The following ARID2 variants were observed in gnomAD, a reference collection of about 807,000 sequenced individuals.
ARID2 encodes the protein AT-rich interactive domain-containing protein 2.
In ARID2, 32 loss-of-function variants were observed where a neutral mutation model predicts 184.6. That is an observed-to-expected ratio of 0.17 (90% confidence interval 0.13 to 0.23). ARID2 has a LOEUF of 0.23. Among genes scored for constraint, ARID2 ranks in the 10% least tolerant of loss-of-function variants. ARID2 has a pLI of 1.00. For missense variants in ARID2, 1,696 were observed against 2,197.6 expected (o/e 0.77, Z 4.56); for synonymous variants, 836 against 772.6 (o/e 1.08, Z -1.36).
chr12:45,867,513 C>T (rs916335122), intron 16 of ARID2, among the ~76,000 whole-genome samples: 5 of 150,704 alleles, frequency 3.3e-5, no homozygotes, highest in East Asian at 2.0e-4. Flanking sequence ...GAGGCCGAGG[C>T]GGGCTGATCG....
Position 45,817,667 on chromosome 12 carries a change from T to C in ARID2, c.419-3T>C. The stretch of plus-strand genomic sequence containing the variant: ...TACTTAAGGTATTTTTTTTCTTTGT[T>C]AGATTATCTGCGTCAAAGTTATGGG... On this transcript the variant is annotated splice_region_variant and splice_polypyrimidine_tract_variant and intron_variant, in intron 4 of 20. Coordinates refer to ENST00000334344, the MANE Select transcript of ARID2 (RefSeq NM_152641.4). 6.2e-7 allele frequency: 1 copy of C among 1,602,052 alleles called. No homozygotes were observed. Among genetic ancestry groups the C allele is most frequent in the African/African-American group, 1.3e-5 (1 of 74,160 alleles).
intron 16 of ARID2, among the ~76,000 whole-genome samples, chr12:45,877,300 C>T (rs953577839): frequency 9.2e-5 from 14 of 151,922 alleles, no homozygotes; most frequent in Non-Finnish European, 1.6e-4. Flanking sequence ...TAAGCTCTGC[C>T]CCCTGTTAGA....
At chr12:45,745,830 T>C (rs1015148121) in intron 3 of ARID2, among the ~76,000 whole-genome samples, 2 of 152,140 alleles carry the variant, frequency 1.3e-5, no homozygotes, top group African/African-American at 2.4e-5. Context: ...ATTACAGGCA[T>C]GAGCCACTGC....
At chr12:45,802,611 A>C (rs1942528012) in intron 3 of ARID2, among the ~76,000 whole-genome samples, 1 of 152,102 alleles carries the variant, frequency 6.6e-6, no homozygotes, top group African/African-American at 2.4e-5. Context: ...ATGTTATCAC[A>C]GGAAAGTTAG....
chr12:45,807,560 T>C (rs1232015183), intron 3 of ARID2, among the ~76,000 whole-genome samples: 1 of 152,190 alleles, frequency 6.6e-6, no homozygotes, highest in African/African-American at 2.4e-5. Context: ...ACTATTGTGC[T>C]AGTCTTTATA....
In ARID2 at chr12:45,850,378, A is replaced by G; in HGVS notation, c.2255A>G (p.Gln752Arg). 6.2e-7 allele frequency: 1 copy of G among 1,614,106 alleles called. No homozygotes were observed. The highest frequency in any genetic ancestry group is 8.5e-7 in the Non-Finnish European group (1 of 1,179,988). Residue 752 changes from glutamine to arginine, a missense_variant, in exon 15 of 21, where the codon CAA (glutamine) becomes CGA (arginine). By Grantham distance (43) the Gln-to-Arg change is conservative. Coordinates refer to ENST00000334344, the MANE Select transcript of ARID2 (RefSeq NM_152641.4). ...SVVQNHSTGP[Q>R]PVTVVNSQTL... ...GTTCAGAATCATAGTACAGGGCCAC[A>G]ACCTGTTACAGTTGTGAATTCTCAG...
chr12:45,877,091 C>CAA (rs35277117), intron 16 of ARID2, among the ~76,000 whole-genome samples: 719 of 57,352 alleles, frequency 0.013, 17 homozygotes, highest in African/African-American at 0.034. Context: ...GACTCCATCT[C>CAA]AAAAAAAAAA....
At chr12:45,863,935 A>G (rs1212503989) in intron 16 of ARID2, among the ~76,000 whole-genome samples, 1 of 149,304 alleles carries the variant, frequency 6.7e-6, no homozygotes, top group Non-Finnish European at 1.5e-5. Context: ...GGCTCATTGC[A>G]ACCTCTGTCT....
At position 45,907,165 on chromosome 12, in the gene ARID2, A is replaced by ATG. The variant is rs1047189501; in HGVS notation, c.*2090_*2091dup. ...CTGCCCAACAGACACCGCTGAAATC[A>ATG]TGTGGGTATCCCTAGGATGGCCTTC... On this transcript the variant is annotated 3_prime_UTR_variant, in exon 21 of 21. Transcript: ENST00000334344. 2 of 232,700 alleles carry ATG rather than the reference A, an allele frequency of 8.6e-6. No homozygotes were observed. The highest frequency in any genetic ancestry group is 4.4e-5 in the African/African-American group (2 of 45,318). 14.4% of individuals were successfully genotyped at this position (232,700 alleles called of 1,614,324 possible). A position where few individuals can be genotyped will look rare whatever the true frequency, so the allele number is the denominator to read the frequency against.
In ARID2 at chr12:45,850,337, T is replaced by C. The variant is rs1271421153; in HGVS notation, c.2214T>C (p.Pro738=). ...TTAGTATTGCTGTTGGAGGAGGACC[T>C]CCACAGAGTTCTGTTGTTCAGAATC... ...VPVSIAVGGG[P]PQSSVVQNHS... is the part of the protein sequence containing the mutation. Residue 738 remains proline (P), a synonymous_variant, in exon 15 of 21, where the codon CCT becomes CCC. Transcript: ENST00000334344. 2 of 1,613,996 alleles carry C rather than the reference T, an allele frequency of 1.2e-6. No homozygotes were observed. The highest frequency in any genetic ancestry group is 1.3e-5 in the African/African-American group (1 of 74,918).
At position 45,793,479 on chromosome 12, in the gene ARID2, A is replaced by G. The variant is rs1942330895; in HGVS notation, c.285-17939A>G. On this transcript the variant is annotated intron_variant, in intron 3 of 20. Transcript: ENST00000334344. ...TACTTGGTGCTTTTATCCCTTTCCC[A>G]TAAATTGAAAGACCTAATTGAAAGA... Among the ~76,000 whole-genome samples, 3 of 151,812 alleles carry G rather than the reference A, an allele frequency of 2.0e-5. No homozygotes were observed. In the East Asian group the frequency reaches 5.8e-4, roughly 29 times the overall value.
At chr12:45,869,468 A>G (rs925997834) in intron 16 of ARID2, among the ~76,000 whole-genome samples, 2 of 150,668 alleles carry the variant, frequency 1.3e-5, no homozygotes, top group African/African-American at 4.9e-5. Flanking sequence ...TTTGTACTTT[A>G]TTAAGTTTAT....
In ARID2 at chr12:45,734,168, AG is replaced by A. The variant is rs1941063205; in HGVS notation, c.284+2855del. ...CGGATTACCTGAGGTCAGGAGTTTG[AG>A]ACCAGCCTGGCCAACATGGTGAAAC... On this transcript the variant is annotated intron_variant, in intron 3 of 20. Coordinates refer to ENST00000334344, the MANE Select transcript of ARID2 (RefSeq NM_152641.4). Among the ~76,000 whole-genome samples the A allele has an allele frequency of 2.6e-5, 4 of 152,330 alleles. No homozygotes were observed. In the South Asian group the frequency reaches 8.3e-4, roughly 32 times the overall value.
chr12:45,760,972 C>CTTA (rs1941667160), intron 3 of ARID2, among the ~76,000 whole-genome samples: 2 of 152,132 alleles, frequency 1.3e-5, no homozygotes, highest in African/African-American at 4.8e-5. Context: ...AGCAGTCCTT[C>CTTA]CATGTTGGCC....
Position 45,849,773 on chromosome 12 carries a change from G to T in ARID2, c.1909G>T (p.Ala637Ser), listed in dbSNP as rs2138157716. ...TGATGTATCTCCTGCTCCTTCACCT[G>T]CAGGTGTTAATTTTTATTGTATTTT... is the stretch of plus-strand genomic sequence containing the variant. ...VPDVSPAPSP[A>S]GIPHGSQTIG... The change falls in exon 14 of 21, where the codon GCA becomes TCA. Residue 637 changes from alanine to serine, a missense_variant. By Grantham distance (99) the Ala-to-Ser change is moderately conservative (BLOSUM62 1). Coordinates refer to ENST00000334344, the MANE Select transcript of ARID2 (RefSeq NM_152641.4). The T allele has an allele frequency of 6.2e-7, 1 of 1,607,000 alleles. No individual in the cohort carries two copies. The highest frequency in any genetic ancestry group is 2.2e-5 in the East Asian group (1 of 44,806).
chr12:45,741,241 A>G (rs1289228519), intron 3 of ARID2, among the ~76,000 whole-genome samples: 2 of 152,162 alleles, frequency 1.3e-5, no homozygotes, highest in Non-Finnish European at 2.9e-5. Context: ...CAAAACACCC[A>G]GGCTGGAGTA....
At chr12:45,798,035 T>C (rs916575411) in intron 3 of ARID2, among the ~76,000 whole-genome samples, 1 of 152,166 alleles carries the variant, frequency 6.6e-6, no homozygotes, top group African/African-American at 2.4e-5. Context: ...TGCAAGCATA[T>C]AGCTAATCTT....
intron 3 of ARID2, among the ~76,000 whole-genome samples, chr12:45,790,127 C>T (rs1373273921): frequency 6.6e-6 from 1 of 151,960 alleles, no homozygotes. Flanking sequence ...TTAAATTATT[C>T]AGTTCTATTA....
At chr12:45,893,927 C>T (rs2136463590) in intron 20 of ARID2, 1 of 390,508 alleles carries the variant, frequency 2.6e-6, no homozygotes, top group South Asian at 6.7e-5. Context: ...AAGGTGGTCT[C>T]TTAAGTTGTT....
Sources: allele counts gnomAD v4.1 joint callset (sites outside exome capture counted in the v4.1 genomes callset), GRCh38; gene constraint gnomAD v4.1.1; transcripts MANE v1.5; gene names NCBI Gene and HGNC (gene_info 2026-07-23, HGNC 2026-07-21).